Variants in CEP85L observed in about 807,000 individuals in gnomAD.
CEP85L encodes centrosomal protein of 85 kDa-like.
In CEP85L, 60 loss-of-function variants were observed where a neutral mutation model predicts 100.3. The observed-to-expected ratio is 0.60, with a 90% CI of 0.49 to 0.74. The LOEUF (loss-of-function observed/expected upper bound fraction) is 0.74, where lower values mean the gene tolerates loss of function less well. Ranked by LOEUF, CEP85L falls within the 30% of genes least tolerant of loss-of-function variation. The pLI, the probability that CEP85L is intolerant of heterozygous loss-of-function variation, is 0.00. For missense variants in CEP85L, 973 were observed against 936.2 expected, an observed-to-expected ratio of 1.04 and a Z score of -0.51; for synonymous variants, 319 against 322.7, an observed-to-expected ratio of 0.99 and a Z score of 0.12.
chr6:118,641,235 T>G (rs1424796896), intron 1 of CEP85L, among the ~76,000 whole-genome samples: 1 of 152,200 alleles, frequency 6.6e-6, no homozygotes, highest in African/African-American at 2.4e-5. Flanking sequence ...ACTACTTATC[T>G]CCTTCAAAAC....
chr6:118,500,392 T>C (rs1239600232), intron 5 of CEP85L, among the ~76,000 whole-genome samples: 1 of 152,186 alleles, frequency 6.6e-6, no homozygotes, highest in Non-Finnish European at 1.5e-5. Flanking sequence ...GCTAAAAGGT[T>C]TCCTGAGGAC....
chr6:118,514,958 C>G (rs1174996193), intron 4 of CEP85L, among the ~76,000 whole-genome samples: 3 of 151,872 alleles, frequency 2.0e-5, no homozygotes, highest in African/African-American at 7.3e-5. Flanking sequence ...ATAGGATCCA[C>G]TGTGCCCGGC....
intron 1 of CEP85L, among the ~76,000 whole-genome samples, chr6:118,686,677 C>T (rs1487272923): frequency 2.6e-5 from 4 of 152,122 alleles, no homozygotes; most frequent in Non-Finnish European, 5.9e-5. Flanking sequence ...GCCAAGAACA[C>T]TTGTGTGTTG....
intron 5 of CEP85L, among the ~76,000 whole-genome samples, chr6:118,504,115 T>G (rs1775490620): frequency 6.6e-6 from 1 of 152,118 alleles, no homozygotes; most frequent in Admixed American, 6.5e-5. Flanking sequence ...AGCTCACACT[T>G]CTAATCACAG....
At chr6:118,550,510 C>T (rs1251906544) in intron 3 of CEP85L, among the ~76,000 whole-genome samples, 1 of 151,764 alleles carries the variant, frequency 6.6e-6, no homozygotes, top group African/African-American at 2.4e-5. Flanking sequence ...TCCTAATATA[C>T]TCGTGTACAC....
intron 2 of CEP85L, among the ~76,000 whole-genome samples, chr6:118,630,898 T>C (rs898318480): frequency 2.0e-5 from 3 of 152,182 alleles, no homozygotes; most frequent in African/African-American, 7.2e-5. Context: ...GCAAGGGATA[T>C]AGGTTGTGCG....
chr6:118,580,252 G>A (rs900244295), intron 2 of CEP85L, among the ~76,000 whole-genome samples: 1 of 152,042 alleles, frequency 6.6e-6, no homozygotes, highest in Non-Finnish European at 1.5e-5. Flanking sequence ...ACCACTCCAC[G>A]TATATCCATG....
At chr6:118,498,499 T>C (rs1775064511) in intron 5 of CEP85L, among the ~76,000 whole-genome samples, 1 of 149,048 alleles carries the variant, frequency 6.7e-6, no homozygotes, top group South Asian at 2.1e-4. Flanking sequence ...GTATCAGAAA[T>C]GGACAAATCT....
intron 2 of CEP85L, among the ~76,000 whole-genome samples, chr6:118,621,025 T>C (rs754575501): frequency 6.6e-6 from 1 of 152,072 alleles, no homozygotes; most frequent in Non-Finnish European, 1.5e-5. Flanking sequence ...GGAAGGACAA[T>C]TCGGTAGGGC....
At chr6:118,603,234 C>A (rs1299021043) in intron 2 of CEP85L, among the ~76,000 whole-genome samples, 1 of 112 alleles carries the variant, frequency 8.9e-3, no homozygotes, top group African/African-American at 0.031. Flanking sequence ...AGCTCCTGGA[C>A]CTGATATGAA....
At chr6:118,671,030 A>G (rs1327759787) in intron 1 of CEP85L, among the ~76,000 whole-genome samples, 1 of 151,858 alleles carries the variant, frequency 6.6e-6, no homozygotes, top group East Asian at 1.9e-4. Context: ...TGTTGGCTGT[A>G]AGGATGGTGG....
rs78353255 is a variant in CEP85L, at chr6:118,558,652, C to G, written c.1020+6877G>C. 1.6e-3 allele frequency among the ~76,000 whole-genome samples: 211 copies of G among 132,934 alleles called. 2 individuals are homozygous for G. Among genetic ancestry groups the G allele is most frequent in the East Asian group, 7.6e-3 (38 of 5,000 alleles). The allele number at this position is 132,934 out of a possible 152,430, so 87.2% of individuals were successfully genotyped here. A position where few individuals can be genotyped will look rare whatever the true frequency, so the allele number is the denominator to read the frequency against. On this transcript the variant is annotated intron_variant, in intron 3 of 12. Transcript: ENST00000368491. ...ACACACACACACACACACACACACACACACACACAGAGAGAGAGAGAGAGA... is the reference window on the plus strand; with the variant it reads ...ACACACACACACACACACACACACAGACACACACAGAGAGAGAGAGAGAGA...
At chr6:118,466,849 T>C (rs897598586) in intron 12 of CEP85L, among the ~76,000 whole-genome samples, 10 of 152,028 alleles carry the variant, frequency 6.6e-5, no homozygotes, top group Non-Finnish European at 1.5e-4. Context: ...GAGACCAGTA[T>C]AGGTGACGGG....
At chr6:118,475,708 G>GA (rs201444988) in intron 10 of CEP85L, among the ~76,000 whole-genome samples, 2,037 of 152,008 alleles carry the variant, frequency 0.013, 25 homozygotes, top group Admixed American at 0.021. Context: ...CTAACTTCTG[G>GA]AAAAAATGTA....
At chr6:118,685,113 T>C (rs1247775328) in intron 1 of CEP85L, among the ~76,000 whole-genome samples, 1 of 152,232 alleles carries the variant, frequency 6.6e-6, no homozygotes, top group Non-Finnish European at 1.5e-5. Flanking sequence ...CTGTCTTCTG[T>C]TCAACTAAAA....
chr6:118,551,267 C>T (rs749561903), intron 3 of CEP85L, among the ~76,000 whole-genome samples: 7 of 151,780 alleles, frequency 4.6e-5, no homozygotes, highest in Admixed American at 6.6e-5. Flanking sequence ...TCATAGTCAA[C>T]TGAGGACCTC....
intron 1 of CEP85L, among the ~76,000 whole-genome samples, chr6:118,683,631 T>C (rs1251172947): frequency 6.6e-6 from 1 of 152,256 alleles, no homozygotes; most frequent in East Asian, 1.9e-4. Context: ...AATGTCCATC[T>C]GTAGATTCCA....
chr6:118,584,298 G>A (rs1780737148), intron 2 of CEP85L, among the ~76,000 whole-genome samples: 1 of 152,186 alleles, frequency 6.6e-6, no homozygotes, highest in African/African-American at 2.4e-5. Flanking sequence ...TGTCTGAGGG[G>A]ACCAGAGCAT....
chr6:118,483,653 CAAGTT>C, intron 7 of CEP85L, 48 bp downstream of exon 7: 4 of 1,537,136 alleles, frequency 2.6e-6, no homozygotes, highest in South Asian at 1.2e-5. Context: ...TTTCTAGAGT[CAAGTT>C]AACATGTTTT....
Sources: allele counts gnomAD v4.1 joint callset (sites outside exome capture counted in the v4.1 genomes callset), GRCh38; gene constraint gnomAD v4.1.1; transcripts MANE v1.5; gene names NCBI Gene and HGNC (gene_info 2026-07-23, HGNC 2026-07-21).